Variants in CAMK1D observed in about 807,000 individuals in gnomAD.
CAMK1D encodes the protein calcium/calmodulin-dependent protein kinase type 1D.
In CAMK1D, 9 loss-of-function variants were observed where a neutral mutation model predicts 47.7. The observed-to-expected ratio is 0.19, with a 90% CI of 0.11 to 0.33. The LOEUF is 0.33. CAMK1D is among the 10% of genes least tolerant of loss of function. The pLI is 1.00. For synonymous variants in CAMK1D, 184 were observed against 184.9 expected (o/e 0.99, Z 0.04); for missense variants, 291 against 488.7 (o/e 0.60, Z 3.81).
intron 1 of CAMK1D, among the ~76,000 whole-genome samples, chr10:12,369,057 T>C (rs1837933961): frequency 6.6e-6 from 1 of 152,120 alleles, no homozygotes; most frequent in South Asian, 2.1e-4. Context: ...CCTCGTGCTC[T>C]GCCCACCTCT....
Position 12,761,026 on chromosome 10 carries a change from C to T in CAMK1D, c.378C>T (p.Arg126=). The part of the protein sequence containing the change: ...YTEKDASTLI[R]QVLDAVYYLH... ...AGAAGGATGCCAGCACTCTGATCCGCCAAGTCTTGGACGCCGTGTACTATC... is the reference window on the plus strand; with the variant it reads ...AGAAGGATGCCAGCACTCTGATCCGTCAAGTCTTGGACGCCGTGTACTATC... Residue 126 remains arginine (R), a synonymous_variant, in exon 4 of 11, where the codon CGC becomes CGT. Transcript: ENST00000619168. 6.2e-7 allele frequency: 1 copy of T among 1,614,166 alleles called. No individual in the cohort carries two copies. Among genetic ancestry groups the T allele is most frequent in the East Asian group, 2.2e-5 (1 of 44,884 alleles).
At chr10:12,710,919 T>A (rs1833914841) in intron 3 of CAMK1D, among the ~76,000 whole-genome samples, 1 of 151,974 alleles carries the variant, frequency 6.6e-6, no homozygotes, top group African/African-American at 2.4e-5. Flanking sequence ...ACTATTGGAG[T>A]TTTCATCAAC....
At chr10:12,598,437 T>G (rs1297408317) in intron 2 of CAMK1D, among the ~76,000 whole-genome samples, 4 of 152,238 alleles carry the variant, frequency 2.6e-5, no homozygotes, top group Non-Finnish European at 5.9e-5. Context: ...TAGAGTAGTT[T>G]AAACTACTAT....
At chr10:12,372,068 C>G (rs1838022388) in intron 1 of CAMK1D, among the ~76,000 whole-genome samples, 1 of 152,148 alleles carries the variant, frequency 6.6e-6, no homozygotes, top group African/African-American at 2.4e-5. Context: ...CCTGTTGTAT[C>G]CAGTGCCATC....
chr10:12,626,380 C>T (rs1839213136), intron 2 of CAMK1D, among the ~76,000 whole-genome samples: 1 of 152,006 alleles, frequency 6.6e-6, no homozygotes, highest in African/African-American at 2.4e-5. Context: ...TTCTTTGCTC[C>T]GTTCCTTCCC....
At chr10:12,442,124 A>G (rs1468670031) in intron 1 of CAMK1D, among the ~76,000 whole-genome samples, 1 of 152,230 alleles carries the variant, frequency 6.6e-6, no homozygotes, top group Non-Finnish European at 1.5e-5. Flanking sequence ...ACCAAAACTC[A>G]GTAAAATGTT....
intron 1 of CAMK1D, among the ~76,000 whole-genome samples, chr10:12,496,068 A>G (rs575570433): frequency 3.9e-5 from 6 of 152,092 alleles, no homozygotes; most frequent in South Asian, 2.1e-4. Flanking sequence ...AGCTCAAGCA[A>G]TCCTCCTGCC....
At chr10:12,708,505 C>T (rs75930269) in intron 3 of CAMK1D, among the ~76,000 whole-genome samples, 2,162 of 152,232 alleles carry the variant, frequency 0.014, 41 homozygotes, top group African/African-American at 0.049. Flanking sequence ...ATTAAGATCA[C>T]GTAAACACAA....
At chr10:12,452,534 G>T (rs188187506) in intron 1 of CAMK1D, among the ~76,000 whole-genome samples, 6 of 151,220 alleles carry the variant, frequency 4.0e-5, no homozygotes, top group African/African-American at 1.5e-4. Flanking sequence ...ATGCATTATG[G>T]TCCATATATC....
chr10:12,419,511 A>G (rs1457614295), intron 1 of CAMK1D, among the ~76,000 whole-genome samples: 1 of 152,126 alleles, frequency 6.6e-6, no homozygotes, highest in Non-Finnish European at 1.5e-5. Flanking sequence ...CATGCAGGGC[A>G]CATATTAGAC....
intron 1 of CAMK1D, among the ~76,000 whole-genome samples, chr10:12,537,525 TGA>T (rs1299320480): frequency 6.6e-6 from 1 of 152,242 alleles, no homozygotes; most frequent in African/African-American, 2.4e-5. Context: ...CCTGCCTTGC[TGA>T]GGTTTTGTTT....
At chr10:12,537,456 A>G (rs747275578) in intron 1 of CAMK1D, among the ~76,000 whole-genome samples, 8 of 152,176 alleles carry the variant, frequency 5.3e-5, no homozygotes, top group Admixed American at 1.3e-4. Flanking sequence ...TGTTGTAGCA[A>G]TTTATACTTA....
intron 3 of CAMK1D, among the ~76,000 whole-genome samples, chr10:12,747,852 C>T (rs879880388): frequency 6.6e-6 from 1 of 152,126 alleles, no homozygotes. Flanking sequence ...GGAGGGATCC[C>T]CTCATATTCG....
At chr10:12,667,797 T>A (rs1436505606) in intron 3 of CAMK1D, among the ~76,000 whole-genome samples, 1 of 152,222 alleles carries the variant, frequency 6.6e-6, no homozygotes, top group Non-Finnish European at 1.5e-5. Flanking sequence ...TTATGAATGT[T>A]TGAACAACAC....
At position 12,833,675 on chromosome 10, in the gene CAMK1D, A is replaced by C. The variant is rs1833457233; in HGVS notation, c.*4788A>C. 1 of 152,218 alleles carries C rather than the reference A, an allele frequency of 6.6e-6. No individual in the cohort carries two copies. Among genetic ancestry groups the C allele is most frequent in the Admixed American group, 6.5e-5 (1 of 15,284 alleles). The allele number at this position is 152,218 out of a possible 1,614,324, so 9.4% of individuals were successfully genotyped here. A position where few individuals can be genotyped will look rare whatever the true frequency, so the allele number is the denominator to read the frequency against. Reference sequence around the variant, plus strand: ...GGGATTCCTTTGGATATGAGAAAGGAAGGCAAGTGCGGGCAAAGGGAAGCT... The same window carrying C: ...GGGATTCCTTTGGATATGAGAAAGGCAGGCAAGTGCGGGCAAAGGGAAGCT... On this transcript the variant is annotated 3_prime_UTR_variant, in exon 11 of 11. Transcript: ENST00000619168.
At chr10:12,409,946 A>G (rs1018109914) in intron 1 of CAMK1D, among the ~76,000 whole-genome samples, 1 of 152,226 alleles carries the variant, frequency 6.6e-6, no homozygotes, top group Non-Finnish European at 1.5e-5. Context: ...AAATGGGATC[A>G]TGAAATATTT....
At chr10:12,559,803 G>T (rs1286882100) in intron 2 of CAMK1D, among the ~76,000 whole-genome samples, 5 of 152,146 alleles carry the variant, frequency 3.3e-5, no homozygotes, top group Admixed American at 6.5e-5. Context: ...CTGGGGTAGG[G>T]TGTGGTCGAG....
chr10:12,599,031 A>G (rs1265347427), intron 2 of CAMK1D, among the ~76,000 whole-genome samples: 1 of 152,168 alleles, frequency 6.6e-6, no homozygotes, highest in Non-Finnish European at 1.5e-5. Flanking sequence ...GAATTCAGAG[A>G]GGGGGTGTGA....
At chr10:12,627,384 A>G (rs945676726) in intron 2 of CAMK1D, among the ~76,000 whole-genome samples, 2 of 152,090 alleles carry the variant, frequency 1.3e-5, no homozygotes, top group African/African-American at 4.8e-5. Context: ...TGCGCCTGGC[A>G]TATGGGTTAT....
Sources: gnomAD v4.1 joint callset for allele counts (sites outside exome capture counted in the v4.1 genomes callset) on GRCh38, gnomAD v4.1.1 for gene constraint, MANE v1.5 for transcripts, NCBI Gene and HGNC (gene_info 2026-07-23, HGNC 2026-07-21) for gene names.